Variants in ASTN2 observed in about 807,000 individuals in gnomAD.
The protein encoded by ASTN2 is astrotactin 2.
Under a neutral mutation model 139.8 loss-of-function variants are expected in ASTN2, and 54 were observed. The observed-to-expected ratio is 0.39, with a 90% CI of 0.31 to 0.48. The LOEUF (loss-of-function observed/expected upper bound fraction) is 0.48. ASTN2 is among the 20% of genes least tolerant of loss of function. The pLI is 0.95. For missense variants in ASTN2, 1,565 were observed against 1,725.1 expected (o/e 0.91, Z 1.64); for synonymous variants, 756 against 719.5 (o/e 1.05, Z -0.81).
intron 2 of ASTN2, among the ~76,000 whole-genome samples, chr9:117,274,900 T>C (rs1478787966): frequency 1.3e-5 from 2 of 152,248 alleles, no homozygotes; most frequent in Non-Finnish European, 2.9e-5. Context: ...TATCTCCTAA[T>C]ACAGTCACGT....
chr9:116,936,125 C>CCATCAGCACCACAACCAT (rs1564348868), intron 10 of ASTN2, among the ~76,000 whole-genome samples: 3 of 1,160 alleles, frequency 2.6e-3, no homozygotes, highest in African/African-American at 5.4e-3. Flanking sequence ...ACCACCACTA[C>CCATCAGCACCACAACCAT]CACCACCACC....
At chr9:116,786,614 TA>T (rs1002397494) in intron 13 of ASTN2, among the ~76,000 whole-genome samples, 14 of 152,206 alleles carry the variant, frequency 9.2e-5, no homozygotes, top group Admixed American at 5.2e-4. Flanking sequence ...AAATGGGGGA[TA>T]GGGGAAAAGG....
intron 1 of ASTN2, among the ~76,000 whole-genome samples, chr9:117,317,975 A>C (rs921244250): frequency 6.6e-6 from 1 of 152,226 alleles, no homozygotes; most frequent in Non-Finnish European, 1.5e-5. Flanking sequence ...CAGCAAGGGT[A>C]TCAGATCCAA....
Position 117,187,981 on chromosome 9 carries a change from T to C in ASTN2, c.1015+26377A>G, listed in dbSNP as rs144071466. ...CAACCAAGGCTTGGAGCAGGGTTTC[T>C]CAGCCTTGATTTGATAGATATTTTG... On this transcript the variant is annotated intron_variant, in intron 3 of 22. Coordinates refer to ENST00000313400, the MANE Select transcript of ASTN2 (RefSeq NM_001365068.1). Among the ~76,000 whole-genome samples, 697 of 152,258 alleles carry C rather than the reference T, an allele frequency of 4.6e-3. 5 individuals carry two copies. The highest frequency in any genetic ancestry group is 0.014 in the African/African-American group (565 of 41,544).
At chr9:116,522,428 A>G (rs1472760895) in intron 19 of ASTN2, among the ~76,000 whole-genome samples, 1 of 152,174 alleles carries the variant, frequency 6.6e-6, no homozygotes, top group East Asian at 1.9e-4. Context: ...AAAACCAGAC[A>G]TCGTATGCTC....
intron 4 of ASTN2, among the ~76,000 whole-genome samples, chr9:117,132,691 C>T (rs1352455820): frequency 6.6e-6 from 1 of 152,142 alleles, no homozygotes; most frequent in Non-Finnish European, 1.5e-5. Flanking sequence ...TGTCTCAGTA[C>T]AATACAACCT....
At chr9:117,293,885 T>C (rs948498909) in intron 1 of ASTN2, among the ~76,000 whole-genome samples, 2 of 152,248 alleles carry the variant, frequency 1.3e-5, no homozygotes, top group Admixed American at 6.5e-5. Context: ...CATGTGCTGC[T>C]GGCTAGGCAG....
At position 116,425,376 on chromosome 9, in the gene ASTN2, G is replaced by A; in HGVS notation, c.*475C>T. 1 of 616,198 alleles carries A rather than the reference G, an allele frequency of 1.6e-6. No individual in the cohort carries two copies. 38.2% of individuals were successfully genotyped at this position (616,198 alleles called of 1,614,324 possible). A position where few individuals can be genotyped will look rare whatever the true frequency, so the allele number is the denominator to read the frequency against. ...CCTTAAAGACCCATGCTTCCTCACT[G>A]CAACCATCCTCAGAGCTTCCTTCCT... is the stretch of plus-strand genomic sequence containing the variant. On this transcript the variant is annotated 3_prime_UTR_variant, in exon 23 of 23. Transcript: ENST00000313400.
intron 4 of ASTN2, among the ~76,000 whole-genome samples, chr9:117,128,119 A>G (rs1382101714): frequency 3.3e-5 from 5 of 152,142 alleles, no homozygotes. Context: ...ACAAGACCAG[A>G]TAAGCCAGTT....
At chr9:116,604,139 C>T (rs1392835890) in intron 19 of ASTN2, among the ~76,000 whole-genome samples, 2 of 152,140 alleles carry the variant, frequency 1.3e-5, no homozygotes, top group Non-Finnish European at 2.9e-5. Context: ...AGGAATTATG[C>T]CTGTCCTGTT....
rs112992631 is a variant in ASTN2, at chr9:117,280,532, G to A, written c.630+10794C>T. On this transcript the variant is annotated intron_variant, in intron 2 of 22. Transcript: ENST00000313400. ...ACACAGGAGAATGTAGTATGGAGGC[G>A]GACGTAGAAATTAGCGTTCAATAGC... Among the ~76,000 whole-genome samples the A allele has an allele frequency of 4.1e-3, 620 of 152,166 alleles. 3 individuals carry two copies. Among genetic ancestry groups the A allele is most frequent in the African/African-American group, 0.014 (595 of 41,500 alleles).
chr9:116,603,307 A>G (rs965783535), intron 19 of ASTN2, among the ~76,000 whole-genome samples: 1 of 152,172 alleles, frequency 6.6e-6, no homozygotes, highest in Non-Finnish European at 1.5e-5. Flanking sequence ...GGAGTGGGAG[A>G]TCTATAAACT....
At chr9:117,075,534 C>T (rs1298594218) in intron 5 of ASTN2, among the ~76,000 whole-genome samples, 1 of 151,674 alleles carries the variant, frequency 6.6e-6, no homozygotes, top group African/African-American at 2.4e-5. Flanking sequence ...GGCTGATTGT[C>T]TTTTTGGCAA....
intron 16 of ASTN2, among the ~76,000 whole-genome samples, chr9:116,680,757 G>A (rs867039340): frequency 5.3e-5 from 8 of 152,150 alleles, no homozygotes; most frequent in Admixed American, 3.3e-4. Flanking sequence ...CATATAAACA[G>A]AACCAAAGAC....
intron 1 of ASTN2, among the ~76,000 whole-genome samples, chr9:117,406,979 T>G (rs1235253638): frequency 6.6e-6 from 1 of 151,920 alleles, no homozygotes; most frequent in African/African-American, 2.4e-5. Context: ...CATAGAACAG[T>G]GACTCTCACA....
chr9:116,841,540 G>A (rs566859996), intron 11 of ASTN2, among the ~76,000 whole-genome samples: 20 of 152,216 alleles, frequency 1.3e-4, no homozygotes, highest in African/African-American at 4.3e-4. Flanking sequence ...ATGCCCAGCA[G>A]TAGTAAAGAT....
intron 3 of ASTN2, among the ~76,000 whole-genome samples, chr9:117,196,356 C>T (rs893480498): frequency 6.6e-6 from 1 of 152,144 alleles, no homozygotes; most frequent in Admixed American, 6.6e-5. Flanking sequence ...ATCAATCCTT[C>T]CATCCATCTT....
chr9:117,275,883 C>G (rs1378690976), intron 2 of ASTN2, among the ~76,000 whole-genome samples: 11 of 152,110 alleles, frequency 7.2e-5, no homozygotes, highest in African/African-American at 2.7e-4. Flanking sequence ...TAGGAGCTCA[C>G]TCTTATAACC....
intron 19 of ASTN2, among the ~76,000 whole-genome samples, chr9:116,592,459 C>G (rs906637741): frequency 6.6e-6 from 1 of 152,060 alleles, no homozygotes; most frequent in Non-Finnish European, 1.5e-5. Context: ...GGAAATGCTC[C>G]CCCAAAGATC....
Sources: gnomAD v4.1 joint callset for allele counts (sites outside exome capture counted in the v4.1 genomes callset) on GRCh38, gnomAD v4.1.1 for gene constraint, MANE v1.5 for transcripts, NCBI Gene and HGNC (gene_info 2026-07-23, HGNC 2026-07-21) for gene names.